FBXL7: variants seen among roughly 807,000 people sequenced by gnomAD.
FBXL7 encodes the protein F-box and leucine rich repeat protein 7.
In FBXL7, 12 loss-of-function variants were observed where a neutral mutation model predicts 38.3. The observed-to-expected ratio is 0.31, with a 90% confidence interval of 0.20 to 0.51. The LOEUF (loss-of-function observed/expected upper bound fraction) is 0.51, where lower values mean the gene tolerates loss of function less well. Among genes scored for constraint, FBXL7 ranks in the 20% least tolerant of loss-of-function variants. FBXL7 has a pLI of 0.98. For synonymous variants in FBXL7, 297 were observed against 300.9 expected (o/e 0.99, Z 0.13); for missense variants, 567 against 676.4 (o/e 0.84, Z 1.79).
chr5:15,589,976 A>G (rs989497428), intron 1 of FBXL7, among the ~76,000 whole-genome samples: 1 of 152,220 alleles, frequency 6.6e-6, no homozygotes, highest in Non-Finnish European at 1.5e-5. Flanking sequence ...TCTAAAAACA[A>G]TGAAGGTTGG....
chr5:15,634,429 C>T (rs1186546057), intron 2 of FBXL7, among the ~76,000 whole-genome samples: 1 of 148,744 alleles, frequency 6.7e-6, no homozygotes, highest in Non-Finnish European at 1.5e-5. Context: ...TCAAGCAATT[C>T]TCCTGCCTCA....
chr5:15,601,358 T>C (rs1739784063), intron 1 of FBXL7, among the ~76,000 whole-genome samples: 1 of 152,202 alleles, frequency 6.6e-6, no homozygotes, highest in African/African-American at 2.4e-5. Flanking sequence ...TGGAAATTCT[T>C]GTGTTAATGC....
At chr5:15,587,067 C>T (rs1739327781) in intron 1 of FBXL7, among the ~76,000 whole-genome samples, 1 of 152,198 alleles carries the variant, frequency 6.6e-6, no homozygotes, top group Non-Finnish European at 1.5e-5. Flanking sequence ...CCGTTCATTA[C>T]TCAGCAGCTA....
intron 2 of FBXL7, among the ~76,000 whole-genome samples, chr5:15,656,555 G>T (rs141022644): frequency 6.6e-6 from 1 of 152,074 alleles, no homozygotes; most frequent in South Asian, 2.1e-4. Flanking sequence ...GGTGGAAACT[G>T]CCCCCATGAT....
chr5:15,652,066 A>G (rs1741726751), intron 2 of FBXL7, among the ~76,000 whole-genome samples: 1 of 152,192 alleles, frequency 6.6e-6, no homozygotes, highest in South Asian at 2.1e-4. Context: ...TTTCTTCTGC[A>G]GCATTCTCAC....
chr5:15,868,648 A>G (rs960465798), intron 2 of FBXL7, among the ~76,000 whole-genome samples: 13 of 152,310 alleles, frequency 8.5e-5, no homozygotes, highest in Middle Eastern at 3.4e-3. Context: ...TGGTTGGCAC[A>G]TATGAATTTT....
intron 2 of FBXL7, among the ~76,000 whole-genome samples, chr5:15,905,825 A>G (rs1424458791): frequency 2.0e-5 from 3 of 152,178 alleles, no homozygotes; most frequent in African/African-American, 7.2e-5. Context: ...AGGATAGGTC[A>G]TAATTAATAC....
At chr5:15,530,999 G>C (rs2126390978) in intron 1 of FBXL7, among the ~76,000 whole-genome samples, 1 of 152,272 alleles carries the variant, frequency 6.6e-6, no homozygotes, top group Non-Finnish European at 1.5e-5. Context: ...AGACAGGATA[G>C]CTTAAGGTCT....
chr5:15,861,926 T>G (rs1739492461), intron 2 of FBXL7, among the ~76,000 whole-genome samples: 1 of 152,236 alleles, frequency 6.6e-6, no homozygotes, highest in Admixed American at 6.5e-5. Context: ...TCAGCCAGAC[T>G]TCATTTAATT....
intron 1 of FBXL7, among the ~76,000 whole-genome samples, chr5:15,522,108 G>T (rs1737112343): frequency 6.6e-6 from 1 of 152,194 alleles, no homozygotes; most frequent in South Asian, 2.1e-4. Flanking sequence ...GGGCTTTTGT[G>T]AATATGTTTA....
intron 2 of FBXL7, among the ~76,000 whole-genome samples, chr5:15,728,338 A>G (rs1735481406): frequency 6.6e-6 from 1 of 151,992 alleles, no homozygotes; most frequent in African/African-American, 2.4e-5. Context: ...CTTTGCCTCT[A>G]TTTTTGCAGA....
intron 2 of FBXL7, among the ~76,000 whole-genome samples, chr5:15,815,031 C>G (rs1385205450): frequency 6.6e-6 from 1 of 152,174 alleles, no homozygotes; most frequent in Non-Finnish European, 1.5e-5. Flanking sequence ...GTCCAAAATG[C>G]ACTCTTAATT....
chr5:15,550,623 G>C (rs536489372), intron 1 of FBXL7, among the ~76,000 whole-genome samples: 24 of 152,314 alleles, frequency 1.6e-4, no homozygotes, highest in African/African-American at 5.5e-4. Flanking sequence ...GGTAGACCCA[G>C]GTTCTTTGCA....
chr5:15,524,906 G>A (rs1220176330), intron 1 of FBXL7, among the ~76,000 whole-genome samples: 2 of 152,252 alleles, frequency 1.3e-5, no homozygotes, highest in African/African-American at 4.8e-5. Context: ...TGGCTGAGAT[G>A]ATTGGTGGAC....
chr5:15,540,059 T>C (rs149187113), intron 1 of FBXL7, among the ~76,000 whole-genome samples: 161 of 152,250 alleles, frequency 1.1e-3, no homozygotes, highest in African/African-American at 3.8e-3. Context: ...TAGGACAGTT[T>C]TGGGGTGATG....
chr5:15,700,227 A>T (rs933867973), intron 2 of FBXL7, among the ~76,000 whole-genome samples: 1 of 152,180 alleles, frequency 6.6e-6, no homozygotes, highest in Non-Finnish European at 1.5e-5. Context: ...ACATGAGTTC[A>T]CCCTAGTCTC....
intron 2 of FBXL7, among the ~76,000 whole-genome samples, chr5:15,637,369 T>C (rs536671147): frequency 3.3e-5 from 5 of 152,272 alleles, no homozygotes; most frequent in African/African-American, 9.6e-5. Context: ...ACAAATGATC[T>C]AAGACAAACA....
At chr5:15,730,878 A>G (rs925265336) in intron 2 of FBXL7, among the ~76,000 whole-genome samples, 1 of 152,238 alleles carries the variant, frequency 6.6e-6, no homozygotes, top group Non-Finnish European at 1.5e-5. Context: ...GTAACACCCC[A>G]TAACCTTTAG....
chr5:15,870,374 T>C (rs1739901548), intron 2 of FBXL7, among the ~76,000 whole-genome samples: 1 of 152,068 alleles, frequency 6.6e-6, no homozygotes, highest in Admixed American at 6.6e-5. Flanking sequence ...TGTGGACTTA[T>C]CCCAAAGACT....
Sources: gnomAD v4.1 joint callset for allele counts (sites outside exome capture counted in the v4.1 genomes callset) on GRCh38, gnomAD v4.1.1 for gene constraint, MANE v1.5 for transcripts, NCBI Gene and HGNC (gene_info 2026-07-23, HGNC 2026-07-21) for gene names.